Variants in BICC1 observed in about 807,000 individuals in gnomAD.
The protein encoded by BICC1 is protein bicaudal C homolog 1.
BICC1 carries 43 observed loss-of-function variants against 111.0 expected under a neutral mutation model. The ratio of observed to expected loss-of-function variants is 0.39; its 90% CI spans 0.30 to 0.50. BICC1 has a LOEUF of 0.50. BICC1 is among the 20% of genes least tolerant of loss of function. The pLI is 0.88. For synonymous variants in BICC1, 467 were observed against 434.4 expected (o/e 1.07, Z -0.93); for missense variants, 1,091 against 1,203.2 (o/e 0.91, Z 1.38).
rs573116230 is a variant in BICC1, at chr10:58,521,768, G to GTTTTTTT, written c.190+8467_190+8473dup. Reference sequence around the variant, plus strand: ...ATGAAAATCAGCCAGGGAATGTGGTGTTTTTTTTTTTTTTTTTTTTTTTTT... The same window carrying GTTTTTTT: ...ATGAAAATCAGCCAGGGAATGTGGTGTTTTTTTTTTTTTTTTTTTTTTTTTTTTTTTT... On this transcript the variant is annotated intron_variant, in intron 1 of 20. Coordinates refer to ENST00000373886, the MANE Select transcript of BICC1 (RefSeq NM_001080512.3). Among the ~76,000 whole-genome samples, 7 of 112,806 alleles carry GTTTTTTT rather than the reference G, an allele frequency of 6.2e-5. 1 individual carries two copies. Among genetic ancestry groups the GTTTTTTT allele is most frequent in the East Asian group, 2.7e-4 (1 of 3,696 alleles). The allele number at this position is 112,806 out of a possible 152,430, so 74.0% of individuals were successfully genotyped here.
In BICC1 at chr10:58,743,292, A is replaced by G. The variant is rs1052678960; in HGVS notation, c.307+41149A>G. Among the ~76,000 whole-genome samples the G allele has an allele frequency of 6.6e-5, 10 of 152,162 alleles. No individual in the cohort carries two copies. In the South Asian group the frequency reaches 1.0e-3, roughly 16 times the overall value. On this transcript the variant is annotated intron_variant, in intron 3 of 20. Coordinates refer to ENST00000373886, the MANE Select transcript of BICC1 (RefSeq NM_001080512.3). ...ATATCTGATTTCTTAAGAAAATACTATCTCCAGGTCTCTCATCAATACCAG... is the reference window on the plus strand; with the variant it reads ...ATATCTGATTTCTTAAGAAAATACTGTCTCCAGGTCTCTCATCAATACCAG...
intron 14 of BICC1, among the ~76,000 whole-genome samples, chr10:58,801,712 A>C (rs1843554235): frequency 6.6e-6 from 1 of 151,782 alleles, no homozygotes; most frequent in Non-Finnish European, 1.5e-5. Flanking sequence ...ACCCTTCTAG[A>C]GTGTCTTTAT....
chr10:58,612,599 T>TA (rs34066134), intron 1 of BICC1, among the ~76,000 whole-genome samples: 1,563 of 145,314 alleles, frequency 0.011, 24 homozygotes, highest in East Asian at 0.066. Flanking sequence ...TGAGTTGTGT[T>TA]AAAAAAAAAA....
intron 1 of BICC1, among the ~76,000 whole-genome samples, chr10:58,518,923 G>C (rs1282530334): frequency 1.3e-5 from 2 of 152,164 alleles, no homozygotes; most frequent in African/African-American, 4.8e-5. Flanking sequence ...GGGTTTTGGT[G>C]AAGTTGATCA....
chr10:58,513,163 C>T lies in BICC1; in HGVS notation c.20C>T (p.Pro7Leu). The T allele has an allele frequency of 6.4e-7, 1 of 1,554,988 alleles. No individual in the cohort carries two copies. The highest frequency in any genetic ancestry group is 1.9e-5 in the Admixed American group (1 of 51,892). ...CCCACCATGGCCGCCCAGGGAGAGCCCGGCTACCTGGCGGCGCAGTCGGAC... is the reference window on the plus strand; with the variant it reads ...CCCACCATGGCCGCCCAGGGAGAGCTCGGCTACCTGGCGGCGCAGTCGGAC... Reference protein sequence around the residue: MAAQGEPGYLAAQSDPG... With the variant: MAAQGELGYLAAQSDPG... Residue 7 changes from proline (P) to leucine (L), a missense_variant, in exon 1 of 21, where the codon CCC (proline) becomes CTC (leucine). This residue lies in a region of BICC1 where 843 missense variants were observed against 900.8 expected (regional missense o/e 0.94). Coordinates refer to ENST00000373886, the MANE Select transcript of BICC1 (RefSeq NM_001080512.3).
At chr10:58,709,645 C>G (rs1165875264) in intron 3 of BICC1, among the ~76,000 whole-genome samples, 1 of 152,202 alleles carries the variant, frequency 6.6e-6, no homozygotes, top group Non-Finnish European at 1.5e-5. Context: ...TAAGGTGTGT[C>G]ATGTAGGAAA....
intron 2 of BICC1, among the ~76,000 whole-genome samples, chr10:58,685,349 T>TG (rs1485258359): frequency 2.0e-5 from 3 of 152,202 alleles, no homozygotes; most frequent in African/African-American, 7.2e-5. Flanking sequence ...TTCTGTTGAT[T>TG]GGGGGTGGAG....
chr10:58,521,594 C>T (rs1658491), intron 1 of BICC1, among the ~76,000 whole-genome samples: 81,993 of 151,652 alleles, frequency 0.54, 23,213 homozygotes, highest in African/African-American at 0.71. Context: ...CTTATACCTG[C>T]GGTTCCCACA....
At chr10:58,543,068 C>G (rs1398296446) in intron 1 of BICC1, among the ~76,000 whole-genome samples, 1 of 152,082 alleles carries the variant, frequency 6.6e-6, no homozygotes, top group Non-Finnish European at 1.5e-5. Flanking sequence ...TGTGCACACC[C>G]ATTTGCATTG....
chr10:58,536,269 A>G lies in BICC1; in HGVS notation c.190+22936A>G, dbSNP rs143566607. On this transcript the variant is annotated intron_variant, in intron 1 of 20. Transcript: ENST00000373886. ...TCAAGAACTACCCAAGAACTGCAGA[A>G]TATACATTCTTCTTATCAGCACATG... 1.3e-4 allele frequency among the ~76,000 whole-genome samples: 19 copies of G among 151,900 alleles called. No homozygotes were observed. The East Asian group carries it at 3.7e-3, about 29-fold the overall frequency.
chr10:58,581,741 A>T (rs1288534388), intron 1 of BICC1, among the ~76,000 whole-genome samples: 1 of 152,196 alleles, frequency 6.6e-6, no homozygotes, highest in East Asian at 1.9e-4. Context: ...AAAAGTGCTA[A>T]GGGGACCCCC....
chr10:58,635,525 C>T (rs950531402), intron 2 of BICC1, among the ~76,000 whole-genome samples: 6 of 152,178 alleles, frequency 3.9e-5, no homozygotes, highest in Admixed American at 2.6e-4. Context: ...TGAGCCTTAT[C>T]AGAAGGGTGA....
In BICC1 at chr10:58,513,279, T is replaced by G; in HGVS notation, c.136T>G (p.Trp46Gly). The change falls in exon 1 of 21, where the codon TGG becomes GGG. Residue 46 changes from tryptophan to glycine, a missense_variant. Around this residue, in one of 3 missense-constraint regions of BICC1, gnomAD observed 843 missense variants for 900.8 expected, o/e 0.94. Coordinates refer to ENST00000373886, the MANE Select transcript of BICC1 (RefSeq NM_001080512.3). ...CGGGGCGACCCTGCACAGCCCGGAGTGGAGCGAGGAGCGCTTCCGCGTGGA... is the reference window on the plus strand; with the variant it reads ...CGGGGCGACCCTGCACAGCCCGGAGGGGAGCGAGGAGCGCTTCCGCGTGGA... ...VAGATLHSPE[W>G]SEERFRVDRK... 6.2e-7 allele frequency: 1 copy of G among 1,612,462 alleles called. No individual in the cohort carries two copies. The highest frequency in any genetic ancestry group is 2.2e-5 in the East Asian group (1 of 44,720).
intron 2 of BICC1, among the ~76,000 whole-genome samples, chr10:58,691,458 A>T (rs1214187978): frequency 1.3e-5 from 2 of 152,186 alleles, no homozygotes; most frequent in Non-Finnish European, 2.9e-5. Context: ...TTCTTCACTA[A>T]CATTATAGGC....
At chr10:58,760,404 A>G (rs1334321066) in intron 3 of BICC1, among the ~76,000 whole-genome samples, 1 of 152,166 alleles carries the variant, frequency 6.6e-6, no homozygotes, top group Non-Finnish European at 1.5e-5. Context: ...TGTACATTCC[A>G]GGTGGAATCC....
At chr10:58,724,756 C>T (rs888397318) in intron 3 of BICC1, among the ~76,000 whole-genome samples, 1 of 152,212 alleles carries the variant, frequency 6.6e-6, no homozygotes, top group Non-Finnish European at 1.5e-5. Context: ...CTGGCAGTCA[C>T]CAGAACACAT....
At chr10:58,780,475 C>T (rs1842855000) in intron 3 of BICC1, among the ~76,000 whole-genome samples, 1 of 152,108 alleles carries the variant, frequency 6.6e-6, no homozygotes, top group Non-Finnish European at 1.5e-5. Flanking sequence ...ATCATGGAGA[C>T]AGGAAAGTGG....
At position 58,633,911 on chromosome 10, in the gene BICC1, T is replaced by C. The variant is rs565441092; in HGVS notation, c.237+13010T>C. On this transcript the variant is annotated intron_variant, in intron 2 of 20. Transcript: ENST00000373886. Reference sequence around the variant, plus strand: ...GTACAGAGGAGAAAGCCAAGGATATTTGAGATCCAGTATCATATGCAGAAT... The same window carrying C: ...GTACAGAGGAGAAAGCCAAGGATATCTGAGATCCAGTATCATATGCAGAAT... 3.0e-4 allele frequency among the ~76,000 whole-genome samples: 46 copies of C among 152,222 alleles called. No homozygotes were observed. The South Asian group carries it at 9.3e-3, about 31-fold the overall frequency.
At chr10:58,794,165 T>TGG (rs777477278) in intron 9 of BICC1, among the ~76,000 whole-genome samples, 1 of 138,228 alleles carries the variant, frequency 7.2e-6, no homozygotes, top group African/African-American at 2.7e-5. Context: ...CTTACATGTT[T>TGG]TGTGTGTGTG....
Sources: allele counts gnomAD v4.1 joint callset (sites outside exome capture counted in the v4.1 genomes callset), GRCh38; gene constraint gnomAD v4.1.1; regional missense constraint gnomAD v4.1.1; transcripts MANE v1.5; gene names NCBI Gene and HGNC (gene_info 2026-07-23, HGNC 2026-07-21).